Variants in ATAT1 observed in about 807,000 individuals in gnomAD.
ATAT1 encodes alpha-tubulin N-acetyltransferase 1.
Under a neutral mutation model 57.2 loss-of-function variants are expected in ATAT1, and 42 were observed. That is an observed-to-expected ratio of 0.73 (90% CI 0.57 to 0.95). The LOEUF is 0.95. Among genes scored for constraint, ATAT1 ranks in the 40% least tolerant of loss-of-function variants. The pLI, the probability that ATAT1 is intolerant of heterozygous loss-of-function variation, is 0.00. For synonymous variants in ATAT1, 168 were observed against 187.1 expected, an observed-to-expected ratio of 0.90 and a Z score of 0.83; for missense variants, 454 against 523.7, an observed-to-expected ratio of 0.87 and a Z score of 1.30.
chr6:30,645,489 C>T (rs909754453), intron 10 of ATAT1, among the ~76,000 whole-genome samples: 14 of 152,276 alleles, frequency 9.2e-5, no homozygotes, highest in African/African-American at 2.4e-4. Context: ...GCTGGGATTA[C>T]AAGCCTGAGC....
chr6:30,627,125 T>A lies in ATAT1; in HGVS notation c.-79T>A. 2 of 1,597,292 alleles carry A rather than the reference T, an allele frequency of 1.3e-6. No homozygotes were observed. The highest frequency in any genetic ancestry group is 3.5e-5 in the Admixed American group (2 of 56,720). On this transcript the variant is annotated 5_prime_UTR_variant, in exon 1 of 13. Coordinates refer to ENST00000330083, the MANE Select transcript of ATAT1 (RefSeq NM_001031722.4). ...CCAGGCCTGCCTTTTTGGTGACCTC[T>A]GACCCTGGGCCTAGTGGGATTGATC...
chr6:30,643,454 C>T (rs1170110634), intron 10 of ATAT1: 1 of 1,545,570 alleles, frequency 6.5e-7, no homozygotes, highest in African/African-American at 1.4e-5. Context: ...TCACCTCTGA[C>T]TTCTCTGTTT....
At chr6:30,643,781 T>C in intron 10 of ATAT1, 2 of 1,367,756 alleles carry the variant, frequency 1.5e-6, no homozygotes, top group African/African-American at 1.4e-5. Context: ...CCTTCTCTCC[T>C]AACTTGGGCT....
At position 30,640,392 on chromosome 6, in the gene ATAT1, ATCT is replaced by A; in HGVS notation, c.519_521del (p.Phe174del). The A allele has an allele frequency of 6.2e-7, 1 of 1,612,832 alleles. No individual in the cohort carries two copies. The highest frequency in any genetic ancestry group is 8.5e-7 in the Non-Finnish European group (1 of 1,179,996). On this transcript the variant is annotated inframe_deletion, in exon 7 of 13. Transcript: ENST00000330083. ...CATCTTCCAGGTGAACAACTTTGTG[ATCT>A]TTGAAGGCTTCTTTGCCCATCAACA...
Position 30,642,833 on chromosome 6 carries a change from G to GGGGC in ATAT1, c.754_755insGGGC (p.Ala252GlyfsTer49). ...GGCCCCTCGCCGCGCCACACCTCCA[G>GGGGC]CCCACCCACCCCCCCGCTCCAGCAG... On this transcript the variant is annotated frameshift_variant, in exon 10 of 13. Coordinates refer to ENST00000330083, the MANE Select transcript of ATAT1 (RefSeq NM_001031722.4). LOFTEE classifies it high-confidence loss of function. 5.2e-6 allele frequency: 8 copies of GGGGC among 1,537,832 alleles called. No homozygotes were observed. The highest frequency in any genetic ancestry group is 6.1e-6 in the Non-Finnish European group (7 of 1,145,742).
At position 30,646,598 on chromosome 6, in the gene ATAT1, G is replaced by A. The variant is rs1003245892; in HGVS notation, c.1185G>A (p.Arg395=). 1 of 1,576,638 alleles carries A rather than the reference G, an allele frequency of 6.3e-7. No homozygotes were observed. The highest frequency in any genetic ancestry group is 8.6e-7 in the Non-Finnish European group (1 of 1,161,506). ...TGGGTGGGGACATACTCAACGCCAG[G>A]TTCATTCGAAACCTGCAGGAACGTC... The change falls in exon 13 of 13, where the codon AGG becomes AGA. Residue 395 remains arginine (R), a synonymous_variant. Coordinates refer to ENST00000330083, the MANE Select transcript of ATAT1 (RefSeq NM_001031722.4).
At chr6:30,627,999 G>A (rs377760587) in intron 4 of ATAT1, 33 bp from the exon 5 acceptor site, 7 of 1,609,976 alleles carry the variant, frequency 4.3e-6, no homozygotes, top group Non-Finnish European at 5.9e-6. Flanking sequence ...AGATGCCGGG[G>A]TTCCTAAAAC....
Position 30,645,904 on chromosome 6 carries a change from C to T in ATAT1, c.942C>T (p.Pro314=). 6.7e-7 allele frequency: 1 copy of T among 1,502,432 alleles called. No individual in the cohort carries two copies. The highest frequency in any genetic ancestry group is 8.9e-7 in the Non-Finnish European group (1 of 1,126,790). 93.1% of individuals were successfully genotyped at this position (1,502,432 alleles called of 1,614,324 possible). ...CCCATTTCTTCTACAGGGGGACTCC[C>T]CCAGGTCTGGTAGCCCAAAGCTGCT... Residue 314 remains proline, a synonymous_variant, in exon 11 of 13, where the codon CCC becomes CCT. Coordinates refer to ENST00000330083, the MANE Select transcript of ATAT1 (RefSeq NM_001031722.4).
intron 10 of ATAT1, 120 bp downstream of exon 10, chr6:30,643,131 T>A: frequency 6.7e-7 from 1 of 1,502,410 alleles, no homozygotes. Context: ...TTGGGGGGGG[T>A]CCTGAAACCT....
In ATAT1 at chr6:30,632,190, C is replaced by T. The variant is rs192824285; in HGVS notation, c.501+3760C>T. On this transcript the variant is annotated intron_variant, in intron 6 of 12. Transcript: ENST00000330083. ...TCTGAGGCAGGAGAATCACTAGAAC[C>T]GGGAGGCGGAGGTTGCAGTGAGCCG... is the stretch of plus-strand genomic sequence containing the variant. 7.3e-4 allele frequency among the ~76,000 whole-genome samples: 109 copies of T among 149,790 alleles called. 2 individuals are homozygous for T. In the East Asian group the frequency reaches 0.019, roughly 26 times the overall value.
intron 6 of ATAT1, among the ~76,000 whole-genome samples, chr6:30,635,914 C>T (rs369780426): frequency 2.6e-5 from 4 of 152,096 alleles, no homozygotes; most frequent in Non-Finnish European, 5.9e-5. Flanking sequence ...TGAAGTGGAT[C>T]AAAAGAGTTG....
In ATAT1 at chr6:30,628,386, A is replaced by G; in HGVS notation, c.457A>G (p.Lys153Glu). The change falls in exon 6 of 13, where the codon AAA becomes GAA. Residue 153 changes from lysine (K) to glutamate (E), a missense_variant. This residue lies in a region of ATAT1 where 236 missense variants were observed against 284.5 expected (regional missense o/e 0.83). Transcript: ENST00000330083. ...TGACCGACCCTCACAGAAGCTGCTGAAATTCCTGAATAAGCACTACAATCT... is the reference window on the plus strand; with the variant it reads ...TGACCGACCCTCACAGAAGCTGCTGGAATTCCTGAATAAGCACTACAATCT... 1.2e-6 allele frequency: 2 copies of G among 1,613,102 alleles called. No individual in the cohort carries two copies. The highest frequency in any genetic ancestry group is 1.1e-5 in the South Asian group (1 of 91,086).
chr6:30,640,657 T>C, intron 8 of ATAT1, 54 bp downstream of exon 8: 2 of 1,586,430 alleles, frequency 1.3e-6, no homozygotes, highest in East Asian at 2.2e-5. Context: ...CTACTTACTC[T>C]AGATGCCACG....
intron 6 of ATAT1, among the ~76,000 whole-genome samples, chr6:30,628,797 G>A (rs769121650): frequency 2.0e-5 from 3 of 151,702 alleles, no homozygotes; most frequent in Non-Finnish European, 4.4e-5. Context: ...TGGAGACGGA[G>A]TTACACCATA....
chr6:30,646,189 C>T (rs1582893271), intron 12 of ATAT1, 80 bp downstream of exon 12: 1 of 1,544,740 alleles, frequency 6.5e-7, no homozygotes, highest in East Asian at 2.4e-5. Context: ...TCACTTCCTA[C>T]TCTTAAATCT....
At chr6:30,634,860 AGC>A (rs1412992054) in intron 6 of ATAT1, among the ~76,000 whole-genome samples, 2 of 151,474 alleles carry the variant, frequency 1.3e-5, no homozygotes, top group African/African-American at 4.8e-5. Flanking sequence ...TGGTGGCGGG[AGC>A]CTGTAGTCCC....
chr6:30,636,602 TAAATAA>T (rs1250053014), intron 6 of ATAT1, among the ~76,000 whole-genome samples: 1 of 150,542 alleles, frequency 6.6e-6, no homozygotes, highest in African/African-American at 2.4e-5. Context: ...AATAAATAAA[TAAATAA>T]AAATAAACCA....
chr6:30,640,724 A>G, intron 8 of ATAT1, 121 bp downstream of exon 8: 2 of 1,144,580 alleles, frequency 1.7e-6, no homozygotes, highest in Non-Finnish European at 2.5e-6. Context: ...CCAAGTCTCC[A>G]GCAGTCATGA....
rs760831495 is a variant in ATAT1, at chr6:30,642,231, C to G, written c.672C>G (p.Ser224=). The G allele has an allele frequency of 1.9e-6, 3 of 1,614,160 alleles. No homozygotes were observed. In the South Asian group the frequency reaches 3.3e-5, roughly 18 times the overall value. Residue 224 remains serine, a synonymous_variant, in exon 9 of 13, where the codon TCC becomes TCG. Coordinates refer to ENST00000330083, the MANE Select transcript of ATAT1 (RefSeq NM_001031722.4). ...CAGAGGGAGACATCAAGCCATACTC[C>G]TCTAGTGACCGAGAATGTAAGAGGG...
Sources: allele counts gnomAD v4.1 joint callset (sites outside exome capture counted in the v4.1 genomes callset), GRCh38; gene constraint gnomAD v4.1.1; regional missense constraint gnomAD v4.1.1; transcripts MANE v1.5; gene names NCBI Gene and HGNC (gene_info 2026-07-23, HGNC 2026-07-21).